The following ZPBP variants were observed in gnomAD, a reference collection of about 807,000 sequenced individuals.
ZPBP encodes zona pellucida-binding protein 1.
ZPBP carries 26 observed loss-of-function variants against 44.8 expected under a neutral mutation model. That is an observed-to-expected ratio of 0.58 (90% CI 0.43 to 0.81). The LOEUF is 0.81. Among genes scored for constraint, ZPBP ranks in the 30% least tolerant of loss-of-function variants. The pLI, the probability that ZPBP is intolerant of heterozygous loss-of-function variation, is 0.00. For synonymous variants in ZPBP, 174 were observed against 153.2 expected (o/e 1.14, Z -1.00); for missense variants, 409 against 434.0 (o/e 0.94, Z 0.51).
rs149930610 is a variant in ZPBP at position 49,926,414 on chromosome 7, C to T, written n.411+9337G>A. On this transcript the variant is annotated intron_variant and non_coding_transcript_variant, in intron 1 of 2. Coordinates refer to the ZPBP transcript ENST00000465922. ...CACTTTTTCTAGCAGTAAGTTTGCC[C>T]AAAGTCTTCAATCTTGTTAAAGCCC... 2.0e-5 allele frequency among the ~76,000 whole-genome samples: 3 copies of T among 152,312 alleles called. No individual in the cohort carries two copies. In the East Asian group the frequency reaches 5.8e-4, roughly 29 times the overall value.
intron 7 of ZPBP, among the ~76,000 whole-genome samples, chr7:49,981,529 T>A (rs1432242150): frequency 3.1e-5 from 1 of 31,908 alleles, no homozygotes; most frequent in Non-Finnish European, 4.6e-5. Context: ...ATATAATATA[T>A]ATTATAATTT....
At chr7:49,982,201 T>TTA (rs1335205644) in intron 7 of ZPBP, among the ~76,000 whole-genome samples, 6 of 27,386 alleles carry the variant, frequency 2.2e-4, no homozygotes, top group East Asian at 1.6e-3. Flanking sequence ...TATATATTTA[T>TTA]TATATATATA....
At chr7:49,971,806 C>T (rs1796314387) in intron 7 of ZPBP, among the ~76,000 whole-genome samples, 2 of 151,990 alleles carry the variant, frequency 1.3e-5, no homozygotes, top group South Asian at 4.1e-4. Flanking sequence ...AAGAAAACTA[C>T]AGACCAATAT....
At chr7:50,069,606 C>T (rs1453436629) in intron 3 of ZPBP, among the ~76,000 whole-genome samples, 1 of 152,190 alleles carries the variant, frequency 6.6e-6, no homozygotes, top group Non-Finnish European at 1.5e-5. Context: ...ACAGTATGTC[C>T]TCAACTTTTG....
chr7:49,916,991 A>G (rs1793758535), intron 1 of ZPBP: 1 of 152,224 alleles, frequency 6.6e-6, no homozygotes, highest in South Asian at 2.1e-4. Flanking sequence ...CCTTTATGAT[A>G]AAGGAAGTCA....
chr7:50,072,419 G>T (rs910958115), intron 3 of ZPBP, among the ~76,000 whole-genome samples: 4 of 152,234 alleles, frequency 2.6e-5, no homozygotes, highest in Non-Finnish European at 5.9e-5. Flanking sequence ...CCAAGGGATT[G>T]GGGGACCTTG....
At chr7:50,072,163 C>T (rs1801870198) in intron 3 of ZPBP, among the ~76,000 whole-genome samples, 1 of 152,174 alleles carries the variant, frequency 6.6e-6, no homozygotes, top group Non-Finnish European at 1.5e-5. Flanking sequence ...AAGGGTAAGT[C>T]CCAGGCCAGG....
intron 1 of ZPBP, among the ~76,000 whole-genome samples, chr7:49,908,772 G>C (rs1298619661): frequency 1.3e-5 from 2 of 152,176 alleles, no homozygotes; most frequent in Non-Finnish European, 2.9e-5. Flanking sequence ...AGTGATTAAA[G>C]GAGTGTGTCA....
chr7:49,983,448 A>G lies in ZPBP; in HGVS notation c.855T>C (p.Pro285=). ...EILGRRAEQL[P]QIYYIEGTLQ... ...GAGTACCTTCAATATAGTATATTTG[A>G]GGTAATTGTTCTGCACGTCTGCCAA... The change falls in exon 7 of 8, where the codon CCT becomes CCC. Residue 285 remains proline, a synonymous_variant. Transcript: ENST00000046087. The G allele has an allele frequency of 6.2e-7, 1 of 1,612,270 alleles. No individual in the cohort carries two copies. Among genetic ancestry groups the G allele is most frequent in the South Asian group, 1.1e-5 (1 of 90,912 alleles).
intron 2 of ZPBP, among the ~76,000 whole-genome samples, chr7:49,876,497 T>C (rs938915684): frequency 2.0e-5 from 3 of 152,172 alleles, no homozygotes; most frequent in South Asian, 4.1e-4. Context: ...AACTCATCTA[T>C]AATTATAATT....
In ZPBP at chr7:50,058,143, T is replaced by C. The variant is rs1187682114; in HGVS notation, c.335-2A>G. 6 of 1,613,582 alleles carry C rather than the reference T, an allele frequency of 3.7e-6. No individual in the cohort carries two copies. The South Asian group carries it at 5.5e-5, about 15-fold the overall frequency. On this transcript the variant is annotated splice_acceptor_variant, in intron 3 of 7. Transcript: ENST00000046087. LOFTEE classifies it high-confidence loss of function. Reference sequence around the variant, plus strand: ...TTATTTGTGCAGTGCGGTTTTCTACTAAAGGAATAAGATACAGTTACGAGT... The same window carrying C: ...TTATTTGTGCAGTGCGGTTTTCTACCAAAGGAATAAGATACAGTTACGAGT...
chr7:49,888,826 G>T (rs1583760558), intron 2 of ZPBP, among the ~76,000 whole-genome samples: 1 of 152,116 alleles, frequency 6.6e-6, no homozygotes, highest in African/African-American at 2.4e-5. Flanking sequence ...CAGGAGAATC[G>T]CTTGAACTCG....
chr7:50,021,738 G>A (rs1260967958), intron 5 of ZPBP, among the ~76,000 whole-genome samples: 1 of 152,090 alleles, frequency 6.6e-6, no homozygotes, highest in Non-Finnish European at 1.5e-5. Flanking sequence ...ATCAAAGACA[G>A]AAGCTTCTAG....
chr7:50,065,176 G>T (rs2128836205), intron 3 of ZPBP, among the ~76,000 whole-genome samples: 1 of 138,214 alleles, frequency 7.2e-6, no homozygotes. Flanking sequence ...TCATAAACTG[G>T]ATATCTTAAG....
chr7:49,990,717 AT>A (rs988604048), intron 6 of ZPBP, among the ~76,000 whole-genome samples: 7 of 152,172 alleles, frequency 4.6e-5, no homozygotes, highest in African/African-American at 1.4e-4. Flanking sequence ...AAATAAACAC[AT>A]TTTTGCATGA....
intron 2 of ZPBP, among the ~76,000 whole-genome samples, chr7:49,888,823 A>G (rs552477157): frequency 6.6e-6 from 1 of 152,264 alleles, no homozygotes; most frequent in African/African-American, 2.4e-5. Flanking sequence ...AGGCAGGAGA[A>G]TCGCTTGAAC....
At chr7:49,981,838 A>G (rs184859129) in intron 7 of ZPBP, among the ~76,000 whole-genome samples, 35,772 of 46,866 alleles carry the variant, frequency 0.76, 13,782 homozygotes, top group East Asian at 0.89. Flanking sequence ...TGAATTATAT[A>G]GATTATATAA....
intron 6 of ZPBP, among the ~76,000 whole-genome samples, chr7:50,007,541 C>T (rs1339936566): frequency 6.6e-6 from 1 of 151,916 alleles, no homozygotes; most frequent in Non-Finnish European, 1.5e-5. Context: ...TTCTATGAGG[C>T]CAATACTGCC....
chr7:49,981,495 A>G (rs1274429441), intron 7 of ZPBP, among the ~76,000 whole-genome samples: 1 of 58,318 alleles, frequency 1.7e-5, no homozygotes, highest in African/African-American at 7.1e-5. Flanking sequence ...TATTATATAT[A>G]ATATAAATTA....
Sources: allele counts gnomAD v4.1 joint callset (sites outside exome capture counted in the v4.1 genomes callset), GRCh38; gene constraint gnomAD v4.1.1; transcripts MANE v1.5; gene names NCBI Gene and HGNC (gene_info 2026-07-23, HGNC 2026-07-21).